FBXL4: variants seen among roughly 807,000 people sequenced by gnomAD.
FBXL4 encodes F-box/LRR-repeat protein 4.
In FBXL4, 40 loss-of-function variants were observed where a neutral mutation model predicts 58.9. That is an observed-to-expected ratio of 0.68 (90% CI 0.53 to 0.88). The LOEUF (loss-of-function observed/expected upper bound fraction) is 0.88. Among genes scored for constraint, FBXL4 ranks in the 40% least tolerant of loss-of-function variants. The pLI, the probability that FBXL4 is intolerant of heterozygous loss-of-function variation, is 0.00. For synonymous variants in FBXL4, 263 were observed against 265.5 expected, an observed-to-expected ratio of 0.99 and a Z score of 0.09; for missense variants, 676 against 734.4, an observed-to-expected ratio of 0.92 and a Z score of 0.92.
In FBXL4 at chr6:98,869,058, G is replaced by T. The variant is rs1012139982; in HGVS notation, c.*5220C>A. On this transcript the variant is annotated 3_prime_UTR_variant, in exon 10 of 10. Transcript: ENST00000369244. Reference sequence around the variant, plus strand: ...GAATGTGAGCTATTGCCAAAAAAATGATTCTAACAGTTATGGTTTTACACT... The same window carrying T: ...GAATGTGAGCTATTGCCAAAAAAATTATTCTAACAGTTATGGTTTTACACT... The T allele has an allele frequency of 3.9e-5, 6 of 152,102 alleles. No homozygotes were observed. The highest frequency in any genetic ancestry group is 5.9e-5 in the Non-Finnish European group (4 of 68,022). 9.4% of individuals were successfully genotyped at this position (152,102 alleles called of 1,614,324 possible). A position where few individuals can be genotyped will look rare whatever the true frequency, so the allele number is the denominator to read the frequency against.
intron 1 of FBXL4, among the ~76,000 whole-genome samples, chr6:98,945,128 T>C (rs573658791): frequency 6.6e-6 from 1 of 152,346 alleles, no homozygotes; most frequent in African/African-American, 2.4e-5. Flanking sequence ...TTAACACTTA[T>C]GTGTAGCCTC....
intron 5 of FBXL4, among the ~76,000 whole-genome samples, chr6:98,912,074 CA>C (rs1328753010): frequency 1.3e-5 from 2 of 152,074 alleles, no homozygotes; most frequent in Non-Finnish European, 2.9e-5. Context: ...GAAAGGTTAT[CA>C]GTGATGGAAG....
intron 9 of FBXL4, chr6:98,875,179 T>C: frequency 5.8e-6 from 3 of 515,230 alleles, no homozygotes; most frequent in Non-Finnish European, 6.9e-6. Context: ...TGGTTATAGT[T>C]TTTTACAGTT....
rs1770473096 is a variant in FBXL4, at chr6:98,870,932, ATTAG to A, written c.*3342_*3345del. On this transcript the variant is annotated 3_prime_UTR_variant, in exon 10 of 10. Coordinates refer to ENST00000369244, the MANE Select transcript of FBXL4 (RefSeq NM_001278716.2). ...CCCCATTTCTACTAAAAACATAAAA[ATTAG>A]TTAGGTGTGGTGGCATGTGCCTGTA... The A allele has an allele frequency of 6.6e-6, 1 of 152,110 alleles. No homozygotes were observed. Among genetic ancestry groups the A allele is most frequent in the African/African-American group, 2.4e-5 (1 of 41,402 alleles). 9.4% of individuals were successfully genotyped at this position (152,110 alleles called of 1,614,324 possible). A position where few individuals can be genotyped will look rare whatever the true frequency, so the allele number is the denominator to read the frequency against.
chr6:98,878,044 G>C (rs1304919758), intron 8 of FBXL4, among the ~76,000 whole-genome samples: 1 of 152,152 alleles, frequency 6.6e-6, no homozygotes, highest in Non-Finnish European at 1.5e-5. Flanking sequence ...ACAAAGATTA[G>C]TTTCAGAAAA....
chr6:98,892,112 A>G (rs1771249707), intron 7 of FBXL4, among the ~76,000 whole-genome samples: 1 of 152,230 alleles, frequency 6.6e-6, no homozygotes, highest in Non-Finnish European at 1.5e-5. Flanking sequence ...CAAGGACTCT[A>G]AGAAAGTTTG....
chr6:98,934,386 G>C (rs1322865935), intron 2 of FBXL4, among the ~76,000 whole-genome samples: 1 of 151,250 alleles, frequency 6.6e-6, no homozygotes, highest in Non-Finnish European at 1.5e-5. Flanking sequence ...GCAACAGAGT[G>C]AGACTCCGTC....
Position 98,926,577 on chromosome 6 carries a change from T to C in FBXL4, c.412A>G (p.Thr138Ala). The change falls in exon 4 of 10, where the codon ACA becomes GCA. Residue 138 changes from threonine (T) to alanine (A), a missense_variant. By Grantham distance (58) the Thr-to-Ala change is moderately conservative (BLOSUM62 0). Transcript: ENST00000369244. ...ELTFEQQVYP[T>A]AVHVLETYHP... ...TAGGTTTCTAGAACATGTACAGCTG[T>C]AGGATACACCTGTTGTTCAAAAGTA... The C allele has an allele frequency of 1.9e-6, 3 of 1,614,148 alleles. No individual in the cohort carries two copies. The highest frequency in any genetic ancestry group is 2.5e-6 in the Non-Finnish European group (3 of 1,180,008).
At chr6:98,893,734 G>T (rs1386731831) in intron 7 of FBXL4, among the ~76,000 whole-genome samples, 1 of 151,960 alleles carries the variant, frequency 6.6e-6, no homozygotes, top group Non-Finnish European at 1.5e-5. Context: ...TATTCAAATG[G>T]TTCACTAAAA....
chr6:98,917,132 A>T (rs1056710920), intron 5 of FBXL4, among the ~76,000 whole-genome samples: 1 of 152,158 alleles, frequency 6.6e-6, no homozygotes, highest in Non-Finnish European at 1.5e-5. Context: ...ATTATTAATT[A>T]GCAATATGAA....
chr6:98,936,511 C>A (rs1773224132), intron 1 of FBXL4, among the ~76,000 whole-genome samples: 1 of 152,156 alleles, frequency 6.6e-6, no homozygotes, highest in African/African-American at 2.4e-5. Flanking sequence ...ACTGACCCAT[C>A]CTCTTCCTCC....
chr6:98,884,755 C>T (rs12664463), intron 7 of FBXL4, among the ~76,000 whole-genome samples: 2 of 152,152 alleles, frequency 1.3e-5, no homozygotes, highest in African/African-American at 4.8e-5. Context: ...GATAATGATT[C>T]TTAACAATTC....
intron 4 of FBXL4, among the ~76,000 whole-genome samples, chr6:98,922,511 A>G (rs1772622397): frequency 6.6e-6 from 1 of 152,232 alleles, no homozygotes; most frequent in African/African-American, 2.4e-5. Context: ...ACAGTAGTAC[A>G]TGACGGAGTT....
Position 98,926,992 on chromosome 6 carries a change from G to C in FBXL4, c.-4C>G, listed in dbSNP as rs984299237. ...ACATGGGAAAGACCGGTGACATCTA[G>C]ATGTGAATTATGAAGCTTCAAAAGG... On this transcript the variant is annotated 5_prime_UTR_variant, in exon 4 of 10. It adds an upstream start codon to the 5' untranslated region. Transcript: ENST00000369244. The C allele has an allele frequency of 1.2e-6, 2 of 1,610,702 alleles. No individual in the cohort carries two copies. Among genetic ancestry groups the C allele is most frequent in the Non-Finnish European group, 1.7e-6 (2 of 1,177,694 alleles).
chr6:98,894,753 G>A (rs1236306317), intron 7 of FBXL4, among the ~76,000 whole-genome samples: 1 of 152,148 alleles, frequency 6.6e-6, no homozygotes, highest in Non-Finnish European at 1.5e-5. Flanking sequence ...ACATAGCTTA[G>A]TTAGTGAATT....
At chr6:98,934,988 T>C (rs909558070) in intron 1 of FBXL4, 109 bp from the exon 2 acceptor site, 2 of 152,180 alleles carry the variant, frequency 1.3e-5, no homozygotes, top group African/African-American at 4.8e-5. Flanking sequence ...AAGTCTGGAA[T>C]ACATTAGACT....
At chr6:98,903,612 G>T (rs529109333) in intron 6 of FBXL4, among the ~76,000 whole-genome samples, 150 of 152,192 alleles carry the variant, frequency 9.9e-4, no homozygotes, top group African/African-American at 3.4e-3. Flanking sequence ...TCCATTACTA[G>T]TATAAAAATT....
intron 5 of FBXL4, among the ~76,000 whole-genome samples, chr6:98,907,562 T>C (rs1282324341): frequency 6.6e-6 from 1 of 152,176 alleles, no homozygotes; most frequent in South Asian, 2.1e-4. Context: ...TTCTAAACAG[T>C]TGGGGGCTTC....
intron 7 of FBXL4, among the ~76,000 whole-genome samples, chr6:98,895,577 G>A (rs1771381463): frequency 6.6e-6 from 1 of 152,156 alleles, no homozygotes; most frequent in African/African-American, 2.4e-5. Flanking sequence ...TTCAAATCCT[G>A]ACTCTATTGC....
Sources: allele counts gnomAD v4.1 joint callset (sites outside exome capture counted in the v4.1 genomes callset), GRCh38; gene constraint gnomAD v4.1.1; transcripts MANE v1.5; gene names NCBI Gene and HGNC (gene_info 2026-07-23, HGNC 2026-07-21).